The following BORCS5 variants were observed in gnomAD, a reference collection of about 807,000 sequenced individuals.
BORCS5 encodes BLOC-1 related complex subunit 5.
In BORCS5, 17 loss-of-function variants were observed where a neutral mutation model predicts 22.1. The ratio of observed to expected loss-of-function variants is 0.77; its 90% CI spans 0.53 to 1.15. BORCS5 has a LOEUF of 1.15. BORCS5 is among the 50% of genes most tolerant of loss of function. The probability of loss-of-function intolerance (pLI) is 0.00; values close to 1 mark genes in which losing one functional copy is unlikely to be tolerated. For missense variants in BORCS5, 247 were observed against 253.2 expected (o/e 0.98, Z 0.17); for synonymous variants, 117 against 99.8 (o/e 1.17, Z -1.03).
rs576245171 is a variant in BORCS5 at position 12,450,177 on chromosome 12, C to G, written c.360+14392C>G. Among the ~76,000 whole-genome samples, 5 of 152,320 alleles carry G rather than the reference C, an allele frequency of 3.3e-5. No individual in the cohort carries two copies. The South Asian group carries it at 1.0e-3, about 32-fold the overall frequency. On this transcript the variant is annotated intron_variant, in intron 3 of 3. Transcript: ENST00000314565. ...GTGGTGGCCCTTGGAATCAGGAGAT[C>G]TGGAGTTCTGTCCTGGCCCCATCAG... is the stretch of plus-strand genomic sequence containing the variant.
intron 1 of BORCS5, among the ~76,000 whole-genome samples, chr12:12,359,829 G>T (rs1397125865): frequency 1.3e-5 from 2 of 152,038 alleles, no homozygotes; most frequent in East Asian, 3.9e-4. Context: ...GCAGAGATGG[G>T]CCTTGTGTAC....
At chr12:12,430,152 T>TTTTTTTTTTG (rs1942385840) in intron 2 of BORCS5, among the ~76,000 whole-genome samples, 2 of 42,850 alleles carry the variant, frequency 4.7e-5, no homozygotes, top group Non-Finnish European at 9.5e-5. Flanking sequence ...TTAGAGAAAA[T>TTTTTTTTTTG]TTTTTTTTTT....
chr12:12,443,317 G>A (rs1156303436), intron 3 of BORCS5, among the ~76,000 whole-genome samples: 2 of 152,228 alleles, frequency 1.3e-5, no homozygotes, highest in African/African-American at 4.8e-5. Flanking sequence ...CCTGAGGCAA[G>A]ACATTTCAAG....
intron 3 of BORCS5, among the ~76,000 whole-genome samples, chr12:12,464,455 C>T (rs372591819): frequency 5.6e-4 from 86 of 152,234 alleles, no homozygotes; most frequent in African/African-American, 1.9e-3. Context: ...TCTCTGGTAC[C>T]GGGTGTTGAG....
At position 12,431,403 on chromosome 12, in the gene BORCS5, C is replaced by CTTTTTT. The variant is rs386375632; in HGVS notation, c.203-4212_203-4207dup. ...TTTGTTCATCTTTCTTTTGCTAATT[C>CTTTTTT]TTTTTTTTTTTTTTTTTTGAGACGG... On this transcript the variant is annotated intron_variant, in intron 2 of 3. Coordinates refer to ENST00000314565, the MANE Select transcript of BORCS5 (RefSeq NM_058169.6). 2.2e-3 allele frequency among the ~76,000 whole-genome samples: 262 copies of CTTTTTT among 121,086 alleles called. 6 individuals carry two copies. The highest frequency in any genetic ancestry group is 3.0e-3 in the Non-Finnish European group (182 of 60,640). 79.4% of individuals were successfully genotyped at this position (121,086 alleles called of 152,430 possible). A position where few individuals can be genotyped will look rare whatever the true frequency, so the allele number is the denominator to read the frequency against.
Position 12,469,853 on chromosome 12 carries a change from C to T in BORCS5, c.*4077C>T, listed in dbSNP as rs973287596. 6.6e-6 allele frequency among the ~76,000 whole-genome samples: 1 copy of T among 152,106 alleles called. No homozygotes were observed. Among genetic ancestry groups the T allele is most frequent in the Non-Finnish European group, 1.5e-5 (1 of 68,018 alleles). ...ACTTTTTAGGTATGAAATTTAATCA[C>T]GAGAGTAGTTTTGCTTTTCTTTCCC... On this transcript the variant is annotated 3_prime_UTR_variant, in exon 4 of 4. Transcript: ENST00000314565.
intron 2 of BORCS5, among the ~76,000 whole-genome samples, chr12:12,400,938 TTTC>T (rs1249814520): frequency 2.2e-4 from 34 of 152,332 alleles, no homozygotes; most frequent in African/African-American, 4.3e-4. Context: ...CTTGTGTAAC[TTTC>T]TTTTTTCTTT....
At chr12:12,378,167 T>C (rs889422595) in intron 2 of BORCS5, among the ~76,000 whole-genome samples, 3 of 152,156 alleles carry the variant, frequency 2.0e-5, no homozygotes, top group African/African-American at 7.2e-5. Flanking sequence ...AGGTCAGGAA[T>C]TTGAGACCAG....
chr12:12,421,166 G>T (rs981275433), intron 2 of BORCS5, among the ~76,000 whole-genome samples: 1 of 152,124 alleles, frequency 6.6e-6, no homozygotes, highest in Non-Finnish European at 1.5e-5. Flanking sequence ...TGCCCATTCG[G>T]TATGATACTG....
intron 2 of BORCS5, among the ~76,000 whole-genome samples, chr12:12,432,580 A>G (rs1035451548): frequency 6.6e-6 from 1 of 152,242 alleles, no homozygotes; most frequent in Non-Finnish European, 1.5e-5. Context: ...ATGACTGCTC[A>G]CAGCAGACTT....
intron 2 of BORCS5, among the ~76,000 whole-genome samples, chr12:12,414,463 C>T (rs1441713426): frequency 9.1e-5 from 8 of 87,850 alleles, no homozygotes; most frequent in Non-Finnish European, 2.0e-4. Context: ...CCGGACGGGG[C>T]GGCTGGCTGG....
chr12:12,411,078 C>T (rs4494381), intron 2 of BORCS5, among the ~76,000 whole-genome samples: 2,230 of 152,100 alleles, frequency 0.015, 41 homozygotes, highest in African/African-American at 0.05. Context: ...GGATTTTGTA[C>T]CCTGAGACTT....
chr12:12,428,740 C>T (rs559075596), intron 2 of BORCS5, among the ~76,000 whole-genome samples: 3 of 151,018 alleles, frequency 2.0e-5, no homozygotes, highest in South Asian at 2.1e-4. Context: ...GTGTTTTTAA[C>T]GGCTCAGCAA....
At chr12:12,384,835 A>T (rs1409756245) in intron 2 of BORCS5, among the ~76,000 whole-genome samples, 1 of 151,158 alleles carries the variant, frequency 6.6e-6, no homozygotes. Flanking sequence ...CTGAAATAAC[A>T]GGGGCTGGAG....
intron 1 of BORCS5, among the ~76,000 whole-genome samples, chr12:12,357,886 A>C (rs1565818994): frequency 6.6e-6 from 1 of 152,216 alleles, no homozygotes; most frequent in Admixed American, 6.5e-5. Context: ...GTTTCTTAAA[A>C]ACGGGTGTTA....
rs116808169 is a variant in BORCS5 at position 12,447,581 on chromosome 12, A to G, written c.360+11796A>G. 2.5e-3 allele frequency among the ~76,000 whole-genome samples: 386 copies of G among 152,256 alleles called. 1 individual carries two copies. Among genetic ancestry groups the G allele is most frequent in the African/African-American group, 8.3e-3 (346 of 41,546 alleles). ...GGCAGTATACCAAATCATTAGACCA[A>G]TATCATCATTGTCCCATGTGCGGTA... On this transcript the variant is annotated intron_variant, in intron 3 of 3. Transcript: ENST00000314565.
chr12:12,442,776 T>C (rs907302896), intron 3 of BORCS5, among the ~76,000 whole-genome samples: 4 of 152,204 alleles, frequency 2.6e-5, no homozygotes, highest in African/African-American at 9.7e-5. Flanking sequence ...CTTCATTTCA[T>C]TTTTGGTTAT....
At chr12:12,414,238 C>G (rs1472546546) in intron 2 of BORCS5, among the ~76,000 whole-genome samples, 1 of 73,564 alleles carries the variant, frequency 1.4e-5, no homozygotes, top group Non-Finnish European at 2.9e-5. Flanking sequence ...CCGGACGGGG[C>G]GGCTGGCCGG....
At chr12:12,395,435 ATTTTTTTTTTTT>A (rs59277387) in intron 2 of BORCS5, among the ~76,000 whole-genome samples, 2 of 107,836 alleles carry the variant, frequency 1.9e-5, no homozygotes, top group African/African-American at 8.1e-5. Context: ...CACCCAGCTA[ATTTTTTTTTTTT>A]TTTTTTTTTT....
Sources: gnomAD v4.1 joint callset for allele counts (sites outside exome capture counted in the v4.1 genomes callset) on GRCh38, gnomAD v4.1.1 for gene constraint, MANE v1.5 for transcripts, NCBI Gene and HGNC (gene_info 2026-07-23, HGNC 2026-07-21) for gene names.